CNTN5: variants seen among roughly 807,000 people sequenced by gnomAD.
CNTN5 encodes contactin 5, also known as contactin-5.
Under a neutral mutation model 129.1 loss-of-function variants are expected in CNTN5, and 77 were observed. That is an observed-to-expected ratio of 0.60 (90% confidence interval 0.50 to 0.72). The LOEUF (loss-of-function observed/expected upper bound fraction) is 0.72, where lower values mean the gene tolerates loss of function less well. CNTN5 is among the 30% of genes least tolerant of loss of function. The pLI is 0.00. For missense variants in CNTN5, 1,478 were observed against 1,328.8 expected (o/e 1.11, Z -1.75); for synonymous variants, 509 against 465.6 (o/e 1.09, Z -1.20).
chr11:100,246,403 T>C (rs1949841699), intron 16 of CNTN5, among the ~76,000 whole-genome samples: 1 of 152,158 alleles, frequency 6.6e-6, no homozygotes, highest in African/African-American at 2.4e-5. Context: ...ATCTCTTTTC[T>C]TTAGATCATT....
At chr11:100,331,624 T>C (rs1951908655) in intron 21 of CNTN5, among the ~76,000 whole-genome samples, 1 of 152,132 alleles carries the variant, frequency 6.6e-6, no homozygotes, top group Non-Finnish European at 1.5e-5. Flanking sequence ...ATCAAAATTA[T>C]GTCAATTAGT....
intron 16 of CNTN5, among the ~76,000 whole-genome samples, chr11:100,252,258 G>A (rs941955026): frequency 7.2e-5 from 11 of 151,974 alleles, no homozygotes; most frequent in Admixed American, 6.6e-4. Context: ...TTTTAATAGC[G>A]TTGTTTGTCT....
intron 2 of CNTN5, among the ~76,000 whole-genome samples, chr11:99,423,699 T>A (rs1942995193): frequency 6.6e-6 from 1 of 152,196 alleles, no homozygotes; most frequent in South Asian, 2.1e-4. Flanking sequence ...GCAGATTCTG[T>A]TTTGATGACT....
intron 1 of CNTN5, among the ~76,000 whole-genome samples, chr11:99,183,608 C>T (rs1387713251): frequency 1.3e-5 from 2 of 152,054 alleles, no homozygotes; most frequent in Admixed American, 6.6e-5. Flanking sequence ...ATTGTCTTCT[C>T]TTAATGACCC....
At chr11:99,263,154 A>G (rs1476777718) in intron 1 of CNTN5, among the ~76,000 whole-genome samples, 1 of 152,086 alleles carries the variant, frequency 6.6e-6, no homozygotes, top group Non-Finnish European at 1.5e-5. Context: ...GCACAGGCAG[A>G]TATATCAGAT....
intron 2 of CNTN5, among the ~76,000 whole-genome samples, chr11:99,550,150 T>C (rs1179198016): frequency 6.6e-6 from 1 of 152,176 alleles, no homozygotes; most frequent in Non-Finnish European, 1.5e-5. Flanking sequence ...GTGAACACTG[T>C]GAGCTCAGTC....
intron 1 of CNTN5, among the ~76,000 whole-genome samples, chr11:99,236,497 C>G (rs77319629): frequency 0.04 from 5,250 of 132,512 alleles, 152 homozygotes; most frequent in East Asian, 0.079. Flanking sequence ...CACACACACA[C>G]AGAGAGAGAG....
chr11:99,647,653 C>T (rs756792859), intron 3 of CNTN5, among the ~76,000 whole-genome samples: 18 of 151,632 alleles, frequency 1.2e-4, no homozygotes, highest in Admixed American at 2.0e-4. Flanking sequence ...AATATTAATT[C>T]TTCCAGTTCA....
At chr11:99,851,074 G>C (rs560951648) in intron 6 of CNTN5, among the ~76,000 whole-genome samples, 1 of 151,678 alleles carries the variant, frequency 6.6e-6, no homozygotes, top group African/African-American at 2.4e-5. Context: ...GCTCTGTAGT[G>C]GTTCATCCAC....
chr11:100,142,340 G>GTCTA, intron 13 of CNTN5, among the ~76,000 whole-genome samples: 1 of 152,236 alleles, frequency 6.6e-6, no homozygotes, highest in South Asian at 2.1e-4. Flanking sequence ...CTGCCTATCT[G>GTCTA]TCTATCTGTT....
At position 100,350,800 on chromosome 11, in the gene CNTN5, T is replaced by C; in HGVS notation, c.3129T>C (p.Ile1043=). The part of the protein sequence containing the change: ...VPLPDAGVYI[I]EVRAYSEGGD... ...TCCCAGATGCTGGAGTCTATATTAT[T>C]GAAGTTCGAGCATATAGTGAAGGAG... The change falls in exon 24 of 25, where the codon ATT becomes ATC. Residue 1043 remains isoleucine, a synonymous_variant. Transcript: ENST00000524871. 2 of 1,608,376 alleles carry C rather than the reference T, an allele frequency of 1.2e-6. No individual in the cohort carries two copies. Among genetic ancestry groups the C allele is most frequent in the South Asian group, 2.2e-5 (2 of 90,394 alleles).
intron 1 of CNTN5, among the ~76,000 whole-genome samples, chr11:99,114,406 C>G (rs1591213638): frequency 6.6e-6 from 1 of 151,526 alleles, no homozygotes. Context: ...TCTCCTTTTC[C>G]TTCCTTCTCT....
intron 1 of CNTN5, among the ~76,000 whole-genome samples, chr11:99,117,588 G>A (rs1858102714): frequency 6.6e-6 from 1 of 152,114 alleles, no homozygotes; most frequent in South Asian, 2.1e-4. Context: ...ATTATTGACT[G>A]AATGTTTATT....
At chr11:99,885,340 G>T (rs953876684) in intron 6 of CNTN5, among the ~76,000 whole-genome samples, 8 of 151,992 alleles carry the variant, frequency 5.3e-5, no homozygotes, top group Non-Finnish European at 4.4e-5. Flanking sequence ...AGTGAGAAAA[G>T]ACAAAGCTGC....
At chr11:99,243,685 C>A (rs1861676007) in intron 1 of CNTN5, among the ~76,000 whole-genome samples, 1 of 150,296 alleles carries the variant, frequency 6.7e-6, no homozygotes, top group Non-Finnish European at 1.5e-5. Context: ...CATATAGTTT[C>A]CAGCTATCCC....
chr11:99,194,608 A>T (rs937749787), intron 1 of CNTN5, among the ~76,000 whole-genome samples: 1 of 151,272 alleles, frequency 6.6e-6, no homozygotes, highest in Non-Finnish European at 1.5e-5. Flanking sequence ...CTATTGAATT[A>T]TTTTTTTTTC....
intron 1 of CNTN5, among the ~76,000 whole-genome samples, chr11:99,292,447 T>A: frequency 6.6e-6 from 1 of 151,954 alleles, no homozygotes. Flanking sequence ...TGTTTTCAGT[T>A]CCAATTTGAA....
At chr11:100,036,393 A>C (rs1454065216) in intron 9 of CNTN5, among the ~76,000 whole-genome samples, 5 of 151,932 alleles carry the variant, frequency 3.3e-5, no homozygotes, top group Non-Finnish European at 7.4e-5. Context: ...TTTTGAAGTC[A>C]GGTAGCGTGA....
chr11:99,066,353 C>T (rs927810435), intron 1 of CNTN5, among the ~76,000 whole-genome samples: 2 of 152,110 alleles, frequency 1.3e-5, no homozygotes, highest in Admixed American at 1.3e-4. Context: ...GTCTGCCTGC[C>T]TTGACCTCCC....
Sources: allele counts gnomAD v4.1 joint callset (sites outside exome capture counted in the v4.1 genomes callset), GRCh38; gene constraint gnomAD v4.1.1; transcripts MANE v1.5; gene names NCBI Gene and HGNC (gene_info 2026-07-23, HGNC 2026-07-21).